Variants in RSPH14 observed in about 807,000 individuals in gnomAD.
RSPH14 encodes the protein radial spoke head 14 homolog.
RSPH14 carries 20 observed loss-of-function variants against 26.7 expected under a neutral mutation model. The observed-to-expected ratio is 0.75, with a 90% CI of 0.53 to 1.09. The LOEUF (loss-of-function observed/expected upper bound fraction) is 1.09. Ranked by LOEUF, RSPH14 falls within the 50% of genes least tolerant of loss-of-function variation. The pLI is 0.00. For missense variants in RSPH14, 449 were observed against 457.2 expected (o/e 0.98, Z 0.16); for synonymous variants, 177 against 189.3 (o/e 0.93, Z 0.53).
At chr22:23,180,080 G>C in the RSPH14 span, 1 of 333,902 alleles carries the variant, frequency 3.0e-6, no homozygotes, top group Non-Finnish European at 5.8e-6. Flanking sequence ...TTCTGTCGGA[G>C]GACTGCTGCG....
chr22:23,079,207 G>A (rs916333146), intron 4 of RSPH14, among the ~76,000 whole-genome samples: 3 of 152,230 alleles, frequency 2.0e-5, no homozygotes, highest in Admixed American at 1.3e-4. Context: ...ACCATGCTTG[G>A]GGCAAGGCAG....
intron 4 of RSPH14, among the ~76,000 whole-genome samples, chr22:23,128,673 C>T (rs938173251): frequency 6.6e-6 from 1 of 152,182 alleles, no homozygotes; most frequent in Admixed American, 6.5e-5. Flanking sequence ...TGAAACCACT[C>T]TCCCAGACAC....
rs371985442 is a variant in RSPH14, at chr22:23,138,861, G to A, written c.281C>T (p.Thr94Met). Residue 94 changes from threonine (T) to methionine (M), a missense_variant, in exon 3 of 7, where the codon ACG (threonine) becomes ATG (methionine). By Grantham distance (81) the Thr-to-Met change is moderately conservative (BLOSUM62 -1). Coordinates refer to ENST00000216036, the MANE Select transcript of RSPH14 (RefSeq NM_014433.3). ...CCACCTGCCCACGCTATGGCTTGCC[G>A]TGATGTGGAGCACCTCGGTGGTCTT... ...RIKTTEVLHI[T>M]ASHSVGRYAF... is the part of the protein sequence containing the mutation. The A allele has an allele frequency of 3.2e-5, 50 of 1,551,310 alleles. No individual in the cohort carries two copies. Among genetic ancestry groups the A allele is most frequent in the Admixed American group, 1.8e-4 (9 of 51,028 alleles).
At chr22:23,126,572 C>T (rs1210795541) in intron 4 of RSPH14, among the ~76,000 whole-genome samples, 2 of 152,224 alleles carry the variant, frequency 1.3e-5, no homozygotes, top group Non-Finnish European at 2.9e-5. Context: ...TCAAGGCCAG[C>T]GCCTCTGACC....
At chr22:23,085,155 C>T (rs896344817) in intron 4 of RSPH14, among the ~76,000 whole-genome samples, 1 of 152,310 alleles carries the variant, frequency 6.6e-6, no homozygotes, top group Non-Finnish European at 1.5e-5. Context: ...GCTGCATCTG[C>T]GGGGTCAGCT....
At chr22:23,066,759 G>A (rs376740178) in intron 4 of RSPH14, among the ~76,000 whole-genome samples, 6 of 152,122 alleles carry the variant, frequency 3.9e-5, no homozygotes, top group African/African-American at 1.4e-4. Context: ...GCTGGGGGTG[G>A]GGGGTGGTTG....
chr22:23,090,268 C>A (rs940456744), intron 4 of RSPH14, among the ~76,000 whole-genome samples: 2 of 152,106 alleles, frequency 1.3e-5, no homozygotes, highest in African/African-American at 4.8e-5. Flanking sequence ...ACTGGCTGGT[C>A]CCTGGAGTTC....
chr22:23,145,662 T>C, upstream of RSPH14: 1 of 1,268,226 alleles, frequency 7.9e-7, no homozygotes, highest in Non-Finnish European at 1.1e-6. Flanking sequence ...TTCCCGCCCC[T>C]ATAACTTGAA....
chr22:23,152,503 G>T, the RSPH14 span: 1 of 1,614,140 alleles, frequency 6.2e-7, no homozygotes, highest in East Asian at 2.2e-5. Context: ...ATCTCTACGT[G>T]GGGAAGACCA....
chr22:23,105,969 G>T lies in RSPH14; in HGVS notation c.421+28057C>A, dbSNP rs117039490. Among the ~76,000 whole-genome samples, 11 of 152,284 alleles carry T rather than the reference G, an allele frequency of 7.2e-5. No homozygotes were observed. The South Asian group carries it at 8.3e-4, about 11-fold the overall frequency. On this transcript the variant is annotated intron_variant, in intron 4 of 6. Coordinates refer to ENST00000216036, the MANE Select transcript of RSPH14 (RefSeq NM_014433.3). ...AGGGTGCCCACGGCCTCCCTTTCTG[G>T]GTCTGGGTGTGAAGCCAGGGAGCAG...
At chr22:23,128,487 G>A (rs1409131288) in intron 4 of RSPH14, among the ~76,000 whole-genome samples, 2 of 152,218 alleles carry the variant, frequency 1.3e-5, no homozygotes, top group East Asian at 1.9e-4. Context: ...CCACCACGGC[G>A]CATGAGTAGC....
intron 4 of RSPH14, chr22:23,122,720 G>A: frequency 7.2e-6 from 2 of 278,666 alleles, no homozygotes; most frequent in Non-Finnish European, 1.4e-5. Context: ...GCAGCCTGTG[G>A]ATGGGCAGTG....
At chr22:23,075,471 G>T (rs1362855277) in intron 4 of RSPH14, among the ~76,000 whole-genome samples, 1 of 152,164 alleles carries the variant, frequency 6.6e-6, no homozygotes. Flanking sequence ...GGACCTACAT[G>T]GCCACAGCTT....
chr22:23,139,089 G>T (rs188937681), intron 2 of RSPH14, 147 bp from the exon 3 acceptor site: 2 of 629,264 alleles, frequency 3.2e-6, no homozygotes, highest in African/African-American at 1.8e-5. Context: ...GAATCATGTT[G>T]GTTATGCAGC....
intron 2 of RSPH14, among the ~76,000 whole-genome samples, 166 bp downstream of exon 2, chr22:23,140,056 C>T (rs2070561803): frequency 6.6e-6 from 1 of 152,188 alleles, no homozygotes; most frequent in African/African-American, 2.4e-5. Context: ...AAGACCCTCC[C>T]TCAATAAATA....
chr22:23,167,776 G>A, the RSPH14 span, among the ~76,000 whole-genome samples: 1 of 151,770 alleles, frequency 6.6e-6, no homozygotes, highest in Non-Finnish European at 1.5e-5. Flanking sequence ...TCAAACTCCC[G>A]GTCTCAAGCA....
intron 4 of RSPH14, 35 bp downstream of exon 4, chr22:23,133,991 T>C (rs763248036): frequency 9.3e-6 from 14 of 1,508,426 alleles, no homozygotes; most frequent in Admixed American, 6.7e-5. Context: ...ACAACTTGAG[T>C]GCCCGACAGA....
the RSPH14 span, among the ~76,000 whole-genome samples, chr22:23,171,576 G>A: frequency 1.3e-5 from 2 of 152,192 alleles, no homozygotes; most frequent in East Asian, 3.9e-4. Flanking sequence ...GAGCGCGGTG[G>A]CTCACACCTG....
At chr22:23,070,265 C>G (rs1026894002) in intron 4 of RSPH14, 14 of 147,718 alleles carry the variant, frequency 9.5e-5, no homozygotes, top group South Asian at 8.4e-4. Flanking sequence ...GGCACCCCCC[C>G]GCCCGCGGTT....
Sources: gnomAD v4.1 joint callset for allele counts (sites outside exome capture counted in the v4.1 genomes callset) on GRCh38, gnomAD v4.1.1 for gene constraint, MANE v1.5 for transcripts, NCBI Gene and HGNC (gene_info 2026-07-23, HGNC 2026-07-21) for gene names.